PPP1R1C: variants seen among roughly 807,000 people sequenced by gnomAD.
PPP1R1C encodes the protein protein phosphatase 1 regulatory inhibitor subunit 1C.
PPP1R1C carries 15 observed loss-of-function variants against 17.4 expected under a neutral mutation model. That is an observed-to-expected ratio of 0.86 (90% CI 0.58 to 1.33). The LOEUF (loss-of-function observed/expected upper bound fraction) is 1.33, where lower values mean the gene tolerates loss of function less well. PPP1R1C is among the 40% of genes most tolerant of loss of function. PPP1R1C has a pLI of 0.00. For synonymous variants in PPP1R1C, 35 were observed against 43.1 expected, an observed-to-expected ratio of 0.81 and a Z score of 0.73; for missense variants, 143 against 130.0, an observed-to-expected ratio of 1.10 and a Z score of -0.48.
intron 1 of PPP1R1C, among the ~76,000 whole-genome samples, chr2:181,966,366 A>T (rs1684903979): frequency 6.6e-6 from 1 of 152,198 alleles, no homozygotes; most frequent in Non-Finnish European, 1.5e-5. Context: ...GAAAGTGGAC[A>T]TCATGGTCAT....
At chr2:182,109,416 C>A (rs1042949493) in intron 4 of PPP1R1C, among the ~76,000 whole-genome samples, 2 of 152,090 alleles carry the variant, frequency 1.3e-5, no homozygotes, top group African/African-American at 4.8e-5. Flanking sequence ...AAAGCCATCC[C>A]CATATTTAAG....
intron 2 of PPP1R1C, among the ~76,000 whole-genome samples, chr2:182,051,233 C>A (rs1687507650): frequency 6.6e-6 from 1 of 152,114 alleles, no homozygotes; most frequent in South Asian, 2.1e-4. Flanking sequence ...GTTCTTAGTG[C>A]CTCCTGAAAG....
chr2:182,124,340 T>TTTTTTTTTTTTG (rs1689820314), intron 5 of PPP1R1C, among the ~76,000 whole-genome samples: 6 of 129,824 alleles, frequency 4.6e-5, no homozygotes, highest in African/African-American at 1.9e-4. Flanking sequence ...TTTTTTTTTG[T>TTTTTTTTTTTTG]TTTTTTTTTT....
rs963582180 is a variant in PPP1R1C, at chr2:182,021,348, T to A, written c.142+33449T>A. 5.0e-4 allele frequency among the ~76,000 whole-genome samples: 52 copies of A among 103,726 alleles called. 1 individual carries two copies. Among genetic ancestry groups the A allele is most frequent in the African/African-American group, 1.8e-3 (50 of 28,460 alleles). 68.0% of individuals were successfully genotyped at this position (103,726 alleles called of 152,430 possible). Reference sequence around the variant, plus strand: ...TTTTTTTTTTTTTTTTTTTTTTTTTTAATGGAGTCTCGCTCTGTCACCAGG... The same window carrying A: ...TTTTTTTTTTTTTTTTTTTTTTTTTAAATGGAGTCTCGCTCTGTCACCAGG... On this transcript the variant is annotated intron_variant, in intron 2 of 4. Transcript: ENST00000682840.
At chr2:182,093,300 C>T (rs188584415) in intron 4 of PPP1R1C, among the ~76,000 whole-genome samples, 129 of 152,264 alleles carry the variant, frequency 8.5e-4, no homozygotes, top group Admixed American at 1.9e-3. Context: ...GGCACCAAGT[C>T]CCTAGGCTGC....
chr2:182,120,545 GACTCTTTGTTT>G (rs1159188894), downstream of PPP1R1C, among the ~76,000 whole-genome samples: 2 of 152,130 alleles, frequency 1.3e-5, no homozygotes, highest in Non-Finnish European at 2.9e-5. Context: ...CACCTGCTAT[GACTCTTTGTTT>G]ATTTCTCAAG....
chr2:182,120,043 TA>T (rs1454029199), downstream of PPP1R1C, among the ~76,000 whole-genome samples: 3 of 152,336 alleles, frequency 2.0e-5, no homozygotes, highest in Admixed American at 2.0e-4. Context: ...GTTTTAGGTC[TA>T]ACATTTAAGT....
chr2:181,967,588 A>ATATGTTTG lies in PPP1R1C; in HGVS notation n.112-7628_112-7621dup, dbSNP rs1684926446. On this transcript the variant is annotated intron_variant and non_coding_transcript_variant, in intron 1 of 5. Coordinates refer to the PPP1R1C transcript ENST00000464264. This position sits in a 1 kb window ranked among gnomAD's most constrained non-coding sequence, Gnocchi z 5.5. ...TTCAGGAGCATATTATTTAATTTCC[A>ATATGTTTG]TATGTTTGTAAAGTCCCAAAGTTTG... Among the ~76,000 whole-genome samples the ATATGTTTG allele has an allele frequency of 6.6e-6, 1 of 151,990 alleles. No homozygotes were observed. The highest frequency in any genetic ancestry group is 2.4e-5 in the African/African-American group (1 of 41,376).
intron 4 of PPP1R1C, among the ~76,000 whole-genome samples, chr2:182,077,797 A>AT (rs1169461802): frequency 6.6e-6 from 1 of 152,198 alleles, no homozygotes. Flanking sequence ...TTATTAGATC[A>AT]TTTTAAAAAG....
At chr2:182,032,604 C>T (rs954542703) in intron 2 of PPP1R1C, among the ~76,000 whole-genome samples, 2 of 152,176 alleles carry the variant, frequency 1.3e-5, no homozygotes, top group South Asian at 2.1e-4. Context: ...TGTCTCCATT[C>T]GTGCTGAAAG....
chr2:182,012,205 G>C (rs1213950481), intron 2 of PPP1R1C, among the ~76,000 whole-genome samples: 1 of 151,996 alleles, frequency 6.6e-6, no homozygotes, highest in Non-Finnish European at 1.5e-5. Context: ...GCTGAAAGTG[G>C]ATGTTGATGT....
At chr2:182,052,015 AT>A (rs1182439599) in intron 2 of PPP1R1C, among the ~76,000 whole-genome samples, 1 of 152,052 alleles carries the variant, frequency 6.6e-6, no homozygotes, top group African/African-American at 2.4e-5. Flanking sequence ...AAAAAAAAAA[AT>A]CATGATAATA....
intron 2 of PPP1R1C, among the ~76,000 whole-genome samples, chr2:182,011,624 T>C (rs1686090184): frequency 6.6e-6 from 1 of 152,040 alleles, no homozygotes; most frequent in Admixed American, 6.5e-5. Context: ...TTTCTACTGC[T>C]TTGTTCTTTA....
chr2:181,959,736 G>C (rs187351787), intron 1 of PPP1R1C, among the ~76,000 whole-genome samples: 101 of 152,314 alleles, frequency 6.6e-4, no homozygotes, highest in African/African-American at 2.3e-3. Flanking sequence ...AGGTGAGAGA[G>C]AGGTAGCTGT....
intron 2 of PPP1R1C, among the ~76,000 whole-genome samples, chr2:182,044,256 C>A (rs1687277359): frequency 6.6e-6 from 1 of 152,174 alleles, no homozygotes; most frequent in African/African-American, 2.4e-5. Flanking sequence ...GCTTAAAACC[C>A]TTCATTGGTT....
At position 181,962,421 on chromosome 2, in the gene PPP1R1C, G is replaced by T; in HGVS notation, n.111+7787G>T. 2.8e-6 allele frequency: 2 copies of T among 713,800 alleles called. No homozygotes were observed. Among genetic ancestry groups the T allele is most frequent in the South Asian group, 1.5e-5 (1 of 68,768 alleles). The allele number at this position is 713,800 out of a possible 1,614,324, so 44.2% of individuals were successfully genotyped here. A position where few individuals can be genotyped will look rare whatever the true frequency, so the allele number is the denominator to read the frequency against. On this transcript the variant is annotated intron_variant and non_coding_transcript_variant, in intron 1 of 5. Transcript: ENST00000464264. This position sits in a 1 kb window ranked among gnomAD's most constrained non-coding sequence, Gnocchi z 6.0. ...GGCCGGGCGCCGTAGTTGGACACCT[G>T]GACAGAGCCCAGGAACAGGTAGTTG... is the stretch of plus-strand genomic sequence containing the variant.
intron 4 of PPP1R1C, among the ~76,000 whole-genome samples, chr2:182,097,536 TG>T (rs1458959965): frequency 1.3e-5 from 2 of 152,204 alleles, no homozygotes; most frequent in Non-Finnish European, 2.9e-5. Context: ...ACTACTGGGA[TG>T]GGGACTAAGA....
chr2:182,011,630 C>A (rs889362798), intron 2 of PPP1R1C, among the ~76,000 whole-genome samples: 1 of 151,574 alleles, frequency 6.6e-6, no homozygotes, highest in African/African-American at 2.4e-5. Flanking sequence ...CTGCTTTGTT[C>A]TTTATGGTTT....
At position 182,027,677 on chromosome 2, in the gene PPP1R1C, T is replaced by C. The variant is rs572625522; in HGVS notation, c.143-33765T>C. Reference sequence around the variant, plus strand: ...GGATATTGGTCTAAAATTCTCTTTTTTGGTTGTGTCTCTGCCTGGCTTTGG... The same window carrying C: ...GGATATTGGTCTAAAATTCTCTTTTCTGGTTGTGTCTCTGCCTGGCTTTGG... On this transcript the variant is annotated intron_variant, in intron 2 of 4. Transcript: ENST00000682840. 2.7e-5 allele frequency among the ~76,000 whole-genome samples: 4 copies of C among 149,650 alleles called. No homozygotes were observed. In the East Asian group the frequency reaches 7.8e-4, roughly 29 times the overall value.
Sources: allele counts gnomAD v4.1 joint callset (sites outside exome capture counted in the v4.1 genomes callset), GRCh38; gene constraint gnomAD v4.1.1; non-coding constraint Gnocchi (gnomAD v3.1); transcripts MANE v1.5; gene names NCBI Gene and HGNC (gene_info 2026-07-23, HGNC 2026-07-21).